PRRC2A: variants seen among roughly 807,000 people sequenced by gnomAD.
PRRC2A encodes the protein proline rich coiled-coil 2A.
A neutral mutation model predicts 224.6 loss-of-function variants in PRRC2A; 59 were observed. That is an observed-to-expected ratio of 0.26 (90% CI 0.21 to 0.33). PRRC2A has a LOEUF of 0.33. Among genes scored for constraint, PRRC2A ranks in the 10% least tolerant of loss-of-function variants. The pLI, the probability that PRRC2A is intolerant of heterozygous loss-of-function variation, is 1.00. For missense variants in PRRC2A, 3,095 were observed against 2,880.7 expected, an observed-to-expected ratio of 1.07 and a Z score of -1.70; for synonymous variants, 1,194 against 1,109.5, an observed-to-expected ratio of 1.08 and a Z score of -1.51.
chr6:31,630,876 A>G, intron 15 of PRRC2A, 75 bp downstream of exon 15: 1 of 1,532,468 alleles, frequency 6.5e-7, no homozygotes. Context: ...ACTTTGGGTT[A>G]GTGGTAGGGA....
intron 19 of PRRC2A, 30 bp downstream of exon 19, chr6:31,634,395 T>A: frequency 6.2e-7 from 1 of 1,612,362 alleles, no homozygotes; most frequent in East Asian, 2.2e-5. Flanking sequence ...AGGACTATGG[T>A]AGAAGGGTTA....
chr6:31,635,838 T>C, intron 24 of PRRC2A, 89 bp downstream of exon 24: 1 of 1,477,392 alleles, frequency 6.8e-7, no homozygotes, highest in East Asian at 2.3e-5. Context: ...CTTTCTACGT[T>C]GCAGAGTTGT....
chr6:31,625,948 A>G lies in PRRC2A; in HGVS notation c.840-72A>G. On this transcript the variant is annotated intron_variant, in intron 8 of 30. Coordinates refer to ENST00000376033, the MANE Select transcript of PRRC2A (RefSeq NM_004638.4). The surrounding 1 kb of genome is among the most constrained non-coding windows in gnomAD (Gnocchi z 4.1). ...GGGAGGAGATGGTTTTCTAGCCAGG[A>G]GGCTCAGTCTAGGATCAGTCTCGCA... The G allele has an allele frequency of 1.3e-6, 2 of 1,591,478 alleles. No homozygotes were observed. The highest frequency in any genetic ancestry group is 1.7e-6 in the Non-Finnish European group (2 of 1,164,382).
Position 31,628,092 on chromosome 6 carries a change from C to T in PRRC2A, c.1618C>T (p.Pro540Ser). ...APPAPPPASAPTPETEPEEPA... is the reference protein window; with the variant it reads ...APPAPPPASASTPETEPEEPA... ...TCCAGCTCCACCTCCAGCATCAGCC[C>T]CAACACCAGAGACAGAACCTGAAGA... Residue 540 changes from proline to serine, a missense_variant, in exon 12 of 31, where the codon CCA becomes TCA. Coordinates refer to ENST00000376033, the MANE Select transcript of PRRC2A (RefSeq NM_004638.4). The T allele has an allele frequency of 2.5e-6, 4 of 1,613,104 alleles. No homozygotes were observed. Among genetic ancestry groups the T allele is most frequent in the Non-Finnish European group, 3.4e-6 (4 of 1,179,958 alleles).
Position 31,625,836 on chromosome 6 carries a change from G to A in PRRC2A, c.804G>A (p.Gln268=). The change falls in exon 8 of 31, where the codon CAG becomes CAA. Residue 268 remains glutamine, a synonymous_variant. Transcript: ENST00000376033. This position sits in a 1 kb window ranked among gnomAD's most constrained non-coding sequence, Gnocchi z 4.1. ...CGTTCCCTCCGCCCTATGGACCCCA[G>A]GGGCCTTACCGATACCCCACTCCTG... ...YLPFPPPYGP[Q]GPYRYPTPDG... 6.3e-7 allele frequency: 1 copy of A among 1,592,092 alleles called. No individual in the cohort carries two copies. Among genetic ancestry groups the A allele is most frequent in the Non-Finnish European group, 8.6e-7 (1 of 1,161,036 alleles).
chr6:31,630,218 G>A (rs1776389702), intron 14 of PRRC2A, among the ~76,000 whole-genome samples: 1 of 152,216 alleles, frequency 6.6e-6, no homozygotes, highest in Non-Finnish European at 1.5e-5. Flanking sequence ...TCGGGAGACT[G>A]AGGCAGGAGA....
chr6:31,622,974 T>A, intron 2 of PRRC2A, 73 bp downstream of exon 2: 1 of 1,234,338 alleles, frequency 8.1e-7, no homozygotes, highest in Non-Finnish European at 1.2e-6. Context: ...TAGAGCTCTT[T>A]AAAGGGAAGT....
intron 3 of PRRC2A, 112 bp downstream of exon 3, chr6:31,624,021 T>C: frequency 7.5e-7 from 1 of 1,327,014 alleles, no homozygotes; most frequent in Non-Finnish European, 1.0e-6. Flanking sequence ...AAGAGGTCCC[T>C]TTCTTACCTA....
rs1212445505 is a variant in PRRC2A at position 31,625,061 on chromosome 6, G to A, written c.464-110G>A. 17 of 1,248,796 alleles carry A rather than the reference G, an allele frequency of 1.4e-5. No individual in the cohort carries two copies. In the East Asian group the frequency reaches 3.7e-4, roughly 28 times the overall value. The allele number at this position is 1,248,796 out of a possible 1,614,324, so 77.4% of individuals were successfully genotyped here. On this transcript the variant is annotated intron_variant, in intron 5 of 30. Transcript: ENST00000376033. This position sits in a 1 kb window ranked among gnomAD's most constrained non-coding sequence, Gnocchi z 4.1. Reference sequence around the variant, plus strand: ...GATCCGCCCGCCTCAGCCTCCCAGAGTGCTGGGATTACAGGCGTGAGCCAC... The same window carrying A: ...GATCCGCCCGCCTCAGCCTCCCAGAATGCTGGGATTACAGGCGTGAGCCAC...
Position 31,632,806 on chromosome 6 carries a change from A to G in PRRC2A, c.4133A>G (p.Lys1378Arg). The G allele has an allele frequency of 2.5e-6, 4 of 1,613,134 alleles. No individual in the cohort carries two copies. The highest frequency in any genetic ancestry group is 2.2e-5 in the South Asian group (2 of 91,088). ...CGCGGAGATCTGAGCCAGAGAGCCA[A>G]GGATTTGAGTAAACGGAGCTTCTCA... ...MSRGDLSQRA[K>R]DLSKRSFSSQ... The change falls in exon 16 of 31, where the codon AAG becomes AGG. Residue 1378 changes from lysine (K) to arginine (R), a missense_variant. By Grantham distance (26) the Lys-to-Arg change is conservative (BLOSUM62 2). Around this residue, in one of 8 missense-constraint regions of PRRC2A, gnomAD observed 2,001 missense variants for 1,764.9 expected, o/e 1.13. Transcript: ENST00000376033.
At position 31,625,942 on chromosome 6, in the gene PRRC2A, G is replaced by A; in HGVS notation, c.839+71G>A. On this transcript the variant is annotated intron_variant, in intron 8 of 30. Transcript: ENST00000376033. The surrounding 1 kb of genome is among the most constrained non-coding windows in gnomAD (Gnocchi z 4.1). ...TATTGGGGGAGGAGATGGTTTTCTAGCCAGGAGGCTCAGTCTAGGATCAGT... is the reference window on the plus strand; with the variant it reads ...TATTGGGGGAGGAGATGGTTTTCTAACCAGGAGGCTCAGTCTAGGATCAGT... The A allele has an allele frequency of 6.3e-7, 1 of 1,590,214 alleles. No individual in the cohort carries two copies. Among genetic ancestry groups the A allele is most frequent in the Non-Finnish European group, 8.6e-7 (1 of 1,163,296 alleles).
rs1294577826 is a variant in PRRC2A at position 31,631,939 on chromosome 6, G to C, written c.3266G>C (p.Ser1089Thr). 6.2e-7 allele frequency: 1 copy of C among 1,612,876 alleles called. No homozygotes were observed. Among genetic ancestry groups the C allele is most frequent in the Non-Finnish European group, 8.5e-7 (1 of 1,180,002 alleles). ...GGCCGCACTGCCAGCGAGACACGGA[G>C]CGAGGGTTCAGAGTATGAGGAAATC... Reference protein sequence around the residue: ...PRGRTASETRSEGSEYEEIPK... With the variant: ...PRGRTASETRTEGSEYEEIPK... The change falls in exon 16 of 31, where the codon AGC becomes ACC. Residue 1089 changes from serine (S) to threonine (T), a missense_variant. By Grantham distance (58) the Ser-to-Thr change is moderately conservative (BLOSUM62 1). This residue lies in a region of PRRC2A where 2,001 missense variants were observed against 1,764.9 expected (regional missense o/e 1.13). Coordinates refer to ENST00000376033, the MANE Select transcript of PRRC2A (RefSeq NM_004638.4). This position sits in a 1 kb window ranked among gnomAD's most constrained non-coding sequence, Gnocchi z 4.5.
In PRRC2A at chr6:31,637,264, G is replaced by A; in HGVS notation, c.6273G>A (p.Lys2091=). ...RSFSGLNSRL[K]ATPSTYSGVF... is the part of the protein sequence containing the mutation. ...TCTCTGGCCTCAATTCCCGTCTCAA[G>A]GCCACGCCTTCCACCTACAGTGGAG... The change falls in exon 30 of 31, where the codon AAG becomes AAA. Residue 2091 remains lysine (K), a synonymous_variant. Transcript: ENST00000376033. The A allele has an allele frequency of 1.2e-6, 2 of 1,612,572 alleles. No homozygotes were observed. The highest frequency in any genetic ancestry group is 2.7e-5 in the African/African-American group (2 of 75,004).
rs749353826 is a variant in PRRC2A, at chr6:31,626,862, A to G, written c.1073A>G (p.His358Arg). ...RDSDEEGAEG[H>R]RDSQSASGEE... ...TCTGATGAGGAGGGTGCTGAGGGCC[A>G]GTGAGTTAGGGCCATCAGGGGAGAA... The change falls in exon 10 of 31, where the codon CAC becomes CGC. Residue 358 changes from histidine (H) to arginine (R), a missense_variant and splice_region_variant. By Grantham distance (29) the His-to-Arg change is conservative. Around this residue, in one of 8 missense-constraint regions of PRRC2A, gnomAD observed 2,001 missense variants for 1,764.9 expected, o/e 1.13. Coordinates refer to ENST00000376033, the MANE Select transcript of PRRC2A (RefSeq NM_004638.4). 2.5e-6 allele frequency: 4 copies of G among 1,610,658 alleles called. No individual in the cohort carries two copies. Among genetic ancestry groups the G allele is most frequent in the Non-Finnish European group, 8.5e-7 (1 of 1,178,592 alleles).
rs1776130581 is a variant in PRRC2A at position 31,628,137 on chromosome 6, G to T, written c.1663G>T (p.Ala555Ser). The T allele has an allele frequency of 1.2e-6, 2 of 1,613,082 alleles. No individual in the cohort carries two copies. The highest frequency in any genetic ancestry group is 1.7e-6 in the Non-Finnish European group (2 of 1,180,014). Residue 555 changes from alanine to serine, a missense_variant, in exon 12 of 31, where the codon GCC becomes TCC. Around this residue, in one of 8 missense-constraint regions of PRRC2A, gnomAD observed 2,001 missense variants for 1,764.9 expected, o/e 1.13. Coordinates refer to ENST00000376033, the MANE Select transcript of PRRC2A (RefSeq NM_004638.4). ...EPEEPAQAPPAQSTPTPGVAA... is the reference protein window; with the variant it reads ...EPEEPAQAPPSQSTPTPGVAA... Reference sequence around the variant, plus strand: ...TGAAGAGCCAGCACAGGCCCCTCCTGCCCAATCTACTCCTACTCCAGGTGT... The same window carrying T: ...TGAAGAGCCAGCACAGGCCCCTCCTTCCCAATCTACTCCTACTCCAGGTGT...
Position 31,631,453 on chromosome 6 carries a change from G to A in PRRC2A, c.2780G>A (p.Gly927Asp). ...GAGAGTCGCACAGAGACCCGCTGGG[G>A]CCCTCGTCCAGGGAGCAGTCGTCGT... Reference protein sequence around the residue: ...RRESRTETRWGPRPGSSRRGI... With the variant: ...RRESRTETRWDPRPGSSRRGI... The change falls in exon 16 of 31, where the codon GGC becomes GAC. Residue 927 changes from glycine (G) to aspartate (D), a missense_variant. Transcript: ENST00000376033. The surrounding 1 kb of genome is among the most constrained non-coding windows in gnomAD (Gnocchi z 4.5). 6.2e-7 allele frequency: 1 copy of A among 1,610,008 alleles called. No individual in the cohort carries two copies. Among genetic ancestry groups the A allele is most frequent in the Middle Eastern group, 1.7e-4 (1 of 6,058 alleles).
chr6:31,633,644 T>C lies in PRRC2A; in HGVS notation c.4585T>C (p.Ser1529Pro). ...CCAGAGGGTCAACAGCGGCCTCAGT[T>C]CTGGTAAGCTGGAGGGGTTATGGGT... ...EPQRVNSGLS[S>P]DPHFEEPGPM... Residue 1529 changes from serine (S) to proline (P), a missense_variant, in exon 17 of 31, where the codon TCT (serine) becomes CCT (proline). By Grantham distance (74) the Ser-to-Pro change is moderately conservative. Transcript: ENST00000376033. 6.2e-7 allele frequency: 1 copy of C among 1,608,810 alleles called. No homozygotes were observed. Among genetic ancestry groups the C allele is most frequent in the Middle Eastern group, 1.7e-4 (1 of 5,778 alleles).
rs368403319 is a variant in PRRC2A, at chr6:31,636,041, C to A, written c.5616C>A (p.His1872Gln). ...GGFRPGTPSLHPYRSQPLYLP... is the reference protein window; with the variant it reads ...GGFRPGTPSLQPYRSQPLYLP... ...TCCGCCCTGGGACACCCTCACTGCA[C>A]CCTTACAGGTAAGACTCGATGCCTG... is the stretch of plus-strand genomic sequence containing the variant. The change falls in exon 25 of 31, where the codon CAC becomes CAA. Residue 1872 changes from histidine (H) to glutamine (Q), a missense_variant. His to Gln is a conservative substitution (Grantham distance 24, BLOSUM62 0). Around this residue, in one of 8 missense-constraint regions of PRRC2A, gnomAD observed 662 missense variants for 609.5 expected, o/e 1.09. Coordinates refer to ENST00000376033, the MANE Select transcript of PRRC2A (RefSeq NM_004638.4). The surrounding 1 kb of genome is among the most constrained non-coding windows in gnomAD (Gnocchi z 4.3). 6.2e-7 allele frequency: 1 copy of A among 1,611,270 alleles called. No homozygotes were observed.
chr6:31,632,712 A>G lies in PRRC2A; in HGVS notation c.4039A>G (p.Thr1347Ala). 2 of 1,613,140 alleles carry G rather than the reference A, an allele frequency of 1.2e-6. No individual in the cohort carries two copies. The highest frequency in any genetic ancestry group is 1.7e-6 in the Non-Finnish European group (2 of 1,180,038). The change falls in exon 16 of 31, where the codon ACA becomes GCA. Residue 1347 changes from threonine to alanine, a missense_variant. Thr to Ala is a moderately conservative substitution (Grantham distance 58, BLOSUM62 0). This residue lies in a region of PRRC2A where 2,001 missense variants were observed against 1,764.9 expected (regional missense o/e 1.13). Transcript: ENST00000376033. ...AGAGGCACCCCCACCAGTACTGCTG[A>G]CACCCAAGGCTGTGGGAACTCCTGG... ...DKEAPPPVLLTPKAVGTPGGG... is the reference protein window; with the variant it reads ...DKEAPPPVLLAPKAVGTPGGG...
Sources: allele counts gnomAD v4.1 joint callset (sites outside exome capture counted in the v4.1 genomes callset), GRCh38; gene constraint gnomAD v4.1.1; regional missense constraint gnomAD v4.1.1; non-coding constraint Gnocchi (gnomAD v3.1); transcripts MANE v1.5; gene names NCBI Gene and HGNC (gene_info 2026-07-23, HGNC 2026-07-21).